Variants in MYLIP observed in about 807,000 individuals in gnomAD.
MYLIP encodes myosin regulatory light chain interacting protein.
Under a neutral mutation model 45.8 loss-of-function variants are expected in MYLIP, and 26 were observed. The ratio of observed to expected loss-of-function variants is 0.57; its 90% CI spans 0.42 to 0.79. The LOEUF is 0.79. Among genes scored for constraint, MYLIP ranks in the 30% least tolerant of loss-of-function variants. The probability of loss-of-function intolerance (pLI) is 0.00; values close to 1 mark genes in which losing one functional copy is unlikely to be tolerated. For synonymous variants in MYLIP, 213 were observed against 218.1 expected, an observed-to-expected ratio of 0.98 and a Z score of 0.21; for missense variants, 494 against 555.6, an observed-to-expected ratio of 0.89 and a Z score of 1.11.
rs566688451 is a variant in MYLIP, at chr6:16,143,743, A to T, written c.707A>T (p.Asn236Ile). The change falls in exon 5 of 7, where the codon AAT becomes ATT. Residue 236 changes from asparagine (N) to isoleucine (I), a missense_variant. Asn to Ile is a moderately radical substitution (Grantham distance 149, BLOSUM62 -3). Coordinates refer to ENST00000356840, the MANE Select transcript of MYLIP (RefSeq NM_013262.4). ...VVQMATQSGKNVYLTVTKESG... is the reference protein window; with the variant it reads ...VVQMATQSGKIVYLTVTKESG... Reference sequence around the variant, plus strand: ...CAGATGGCCACCCAGTCAGGAAAGAATGTATATTTGACGGTCACCAAGGAA... The same window carrying T: ...CAGATGGCCACCCAGTCAGGAAAGATTGTATATTTGACGGTCACCAAGGAA... The T allele has an allele frequency of 1.2e-6, 2 of 1,614,132 alleles. No individual in the cohort carries two copies. Among genetic ancestry groups the T allele is most frequent in the African/African-American group, 1.3e-5 (1 of 75,014 alleles).
At position 16,138,631 on chromosome 6, in the gene MYLIP, G is replaced by GT. The variant is rs1759604241; in HGVS notation, c.279-2993dup. Reference sequence around the variant, plus strand: ...ATATGTCCCTTTATTGTAAAAGGCTGTAAGTCCATCTAAAAAGGAACTCTC... The same window carrying GT: ...ATATGTCCCTTTATTGTAAAAGGCTGTTAAGTCCATCTAAAAAGGAACTCTC... On this transcript the variant is annotated intron_variant, in intron 2 of 6. Transcript: ENST00000356840. Among the ~76,000 whole-genome samples the GT allele has an allele frequency of 2.0e-5, 3 of 152,146 alleles. No individual in the cohort carries two copies. In the South Asian group the frequency reaches 6.2e-4, roughly 32 times the overall value.
At chr6:16,130,884 G>A (rs1355254267) in intron 2 of MYLIP, 137 bp downstream of exon 2, 4 of 854,080 alleles carry the variant, frequency 4.7e-6, no homozygotes, top group African/African-American at 3.5e-5. Context: ...TTTCCATGCA[G>A]GTCCTTTTGT....
intron 2 of MYLIP, among the ~76,000 whole-genome samples, chr6:16,133,256 C>T (rs1759492119): frequency 6.6e-6 from 1 of 152,186 alleles, no homozygotes; most frequent in Admixed American, 6.5e-5. Flanking sequence ...CTAAATTTCT[C>T]TTAGCAATAA....
intron 2 of MYLIP, among the ~76,000 whole-genome samples, chr6:16,133,345 A>G (rs1759493457): frequency 6.6e-6 from 1 of 152,220 alleles, no homozygotes; most frequent in Admixed American, 6.5e-5. Flanking sequence ...AAAACAGAAA[A>G]AGCACATCAA....
chr6:16,146,603 A>T, intron 6 of MYLIP, 59 bp from the exon 7 acceptor site: 1 of 1,381,868 alleles, frequency 7.2e-7, no homozygotes, highest in African/African-American at 1.4e-5. Context: ...GTGCACAGAG[A>T]CACAGGCCCC....
At chr6:16,145,351 C>G (rs1759768464) in intron 6 of MYLIP, 34 bp downstream of exon 6, 1 of 1,543,442 alleles carries the variant, frequency 6.5e-7, no homozygotes, top group Non-Finnish European at 8.8e-7. Flanking sequence ...TTGCCTGCAG[C>G]CTCACCTATC....
the MYLIP span, among the ~76,000 whole-genome samples, chr6:16,157,378 C>T: frequency 6.6e-6 from 1 of 152,216 alleles, no homozygotes; most frequent in South Asian, 2.1e-4. Context: ...GCCTAGATTA[C>T]AATAGTTCCT....
chr6:16,145,578 C>T (rs991179011), intron 6 of MYLIP, among the ~76,000 whole-genome samples: 1 of 152,156 alleles, frequency 6.6e-6, no homozygotes, highest in African/African-American at 2.4e-5. Context: ...TCCTGGGTAA[C>T]ATATCTAGTT....
At chr6:16,162,969 G>A in the MYLIP span, among the ~76,000 whole-genome samples, 93 of 152,104 alleles carry the variant, frequency 6.1e-4, no homozygotes, top group Middle Eastern at 6.8e-3. Context: ...CCGGCTTTTG[G>A]CATTGTGTGA....
At chr6:16,130,496 C>A in intron 1 of MYLIP, 61 bp from the exon 2 acceptor site, 1 of 1,500,970 alleles carries the variant, frequency 6.7e-7, no homozygotes, top group Non-Finnish European at 9.1e-7. Context: ...CTCAGGGAGC[C>A]GTTGGGTTTG....
chr6:16,153,783 C>T, the MYLIP span, among the ~76,000 whole-genome samples: 1 of 152,142 alleles, frequency 6.6e-6, no homozygotes, highest in African/African-American at 2.4e-5. Flanking sequence ...AGGTGTGACA[C>T]CCCTAGACTC....
intron 2 of MYLIP, among the ~76,000 whole-genome samples, chr6:16,139,914 T>C (rs1343220880): frequency 6.6e-6 from 1 of 152,246 alleles, no homozygotes; most frequent in African/African-American, 2.4e-5. Context: ...TTCTTTATCA[T>C]TATAGAATGC....
At chr6:16,152,134 G>A (rs996181126), downstream of MYLIP, among the ~76,000 whole-genome samples, 6 of 152,212 alleles carry the variant, frequency 3.9e-5, no homozygotes, top group African/African-American at 1.4e-4. Context: ...GCCCACAGAC[G>A]AGGAGCAAAG....
At chr6:16,142,975 C>T (rs2113556638) in intron 3 of MYLIP, 45 bp from the exon 4 acceptor site, 1 of 1,563,082 alleles carries the variant, frequency 6.4e-7, no homozygotes, top group South Asian at 1.1e-5. Context: ...ATCTCTAAAG[C>T]TAATATCTGT....
chr6:16,134,690 A>G (rs1759516445), intron 2 of MYLIP, among the ~76,000 whole-genome samples: 1 of 152,264 alleles, frequency 6.6e-6, no homozygotes, highest in Non-Finnish European at 1.5e-5. Flanking sequence ...TCTGGGAAAG[A>G]TTGCATGCCC....
intron 2 of MYLIP, among the ~76,000 whole-genome samples, chr6:16,133,822 G>T (rs1236553377): frequency 6.6e-6 from 1 of 152,126 alleles, no homozygotes; most frequent in African/African-American, 2.4e-5. Context: ...CTTAGGTAAG[G>T]CTCACCAACA....
At chr6:16,157,317 C>T in the MYLIP span, among the ~76,000 whole-genome samples, 4 of 152,226 alleles carry the variant, frequency 2.6e-5, no homozygotes, top group African/African-American at 2.4e-5. Context: ...TACCATGGCA[C>T]TTTGAACCAA....
rs967795048 is a variant in MYLIP, at chr6:16,142,944, T to C, written c.465-76T>C. The C allele has an allele frequency of 2.8e-6, 4 of 1,404,626 alleles. No homozygotes were observed. The African/African-American group carries it at 4.3e-5, about 15-fold the overall frequency. The allele number at this position is 1,404,626 out of a possible 1,614,324, so 87.0% of individuals were successfully genotyped here. The stretch of plus-strand genomic sequence containing the variant: ...ATTCATCAGTGTTAGTATATTTCAC[T>C]CGTGAAGACTACATAGGTTTATCTC... On this transcript the variant is annotated intron_variant, in intron 3 of 6. Coordinates refer to ENST00000356840, the MANE Select transcript of MYLIP (RefSeq NM_013262.4).
the MYLIP span, among the ~76,000 whole-genome samples, chr6:16,158,618 G>A: frequency 3.3e-5 from 5 of 152,304 alleles, no homozygotes; most frequent in East Asian, 3.9e-4. Flanking sequence ...CTTGTGAATT[G>A]GGACAAGTCG....
Sources: gnomAD v4.1 joint callset for allele counts (sites outside exome capture counted in the v4.1 genomes callset) on GRCh38, gnomAD v4.1.1 for gene constraint, MANE v1.5 for transcripts, NCBI Gene and HGNC (gene_info 2026-07-23, HGNC 2026-07-21) for gene names.